Variants in COL14A1 observed in about 807,000 individuals in gnomAD.
COL14A1 encodes collagen type XIV alpha 1 chain, also known as collagen alpha-1(XIV) chain.
COL14A1 carries 136 observed loss-of-function variants against 230.3 expected under a neutral mutation model. The ratio of observed to expected loss-of-function variants is 0.59; its 90% CI spans 0.51 to 0.68. The LOEUF (loss-of-function observed/expected upper bound fraction) is 0.68, where lower values mean the gene tolerates loss of function less well. Ranked by LOEUF, COL14A1 falls within the 30% of genes least tolerant of loss-of-function variation. The pLI is 0.00. For missense variants in COL14A1, 1,976 were observed against 2,215.8 expected, an observed-to-expected ratio of 0.89 and a Z score of 2.17; for synonymous variants, 792 against 784.1, an observed-to-expected ratio of 1.01 and a Z score of -0.17.
At chr8:120,311,180 G>A (rs1239287927) in intron 37 of COL14A1, among the ~76,000 whole-genome samples, 2 of 152,130 alleles carry the variant, frequency 1.3e-5, no homozygotes, top group Non-Finnish European at 1.5e-5. Flanking sequence ...TTTGTTTGGT[G>A]GGACAGACTT....
chr8:120,223,513 T>C (rs1244665640), intron 14 of COL14A1, among the ~76,000 whole-genome samples: 1 of 151,886 alleles, frequency 6.6e-6, no homozygotes, highest in Non-Finnish European at 1.5e-5. Context: ...CTACTAAAAA[T>C]ACAAAAATTA....
rs749764567 is a variant in COL14A1, at chr8:120,263,044, T to C, written c.3016+30T>C. 7 of 1,548,268 alleles carry C rather than the reference T, an allele frequency of 4.5e-6. No individual in the cohort carries two copies. In the South Asian group the frequency reaches 8.9e-5, roughly 20 times the overall value. On this transcript the variant is annotated intron_variant, in intron 24 of 47. Coordinates refer to ENST00000297848, the MANE Select transcript of COL14A1 (RefSeq NM_021110.4). ...GTCATGTGTGTTCTCTCCTGATCCC[T>C]CTCCCCATGAACAAACAGAATTTCA...
chr8:120,369,938 A>G lies in COL14A1; in HGVS notation c.5311+453A>G, dbSNP rs535558072. ...AAGAGGGCTCCTTAGATTATTTTCAATGAAATCATGCATACCACTTGCATT... is the reference window on the plus strand; with the variant it reads ...AAGAGGGCTCCTTAGATTATTTTCAGTGAAATCATGCATACCACTTGCATT... On this transcript the variant is annotated intron_variant, in intron 47 of 47. Transcript: ENST00000297848. 9.2e-5 allele frequency among the ~76,000 whole-genome samples: 14 copies of G among 152,324 alleles called. No individual in the cohort carries two copies. In the East Asian group the frequency reaches 2.3e-3, roughly 25 times the overall value.
chr8:120,159,908 T>C (rs1815605348), intron 3 of COL14A1, among the ~76,000 whole-genome samples: 1 of 152,108 alleles, frequency 6.6e-6, no homozygotes, highest in African/African-American at 2.4e-5. Context: ...GCCAGACTAG[T>C]CTTGAACTCC....
chr8:120,158,593 C>G (rs908535095), intron 3 of COL14A1, among the ~76,000 whole-genome samples: 1 of 152,094 alleles, frequency 6.6e-6, no homozygotes, highest in African/African-American at 2.4e-5. Flanking sequence ...TATTAATTAA[C>G]TCAATAGAAT....
At chr8:120,157,357 C>T (rs763020538) in intron 2 of COL14A1, among the ~76,000 whole-genome samples, 5 of 151,940 alleles carry the variant, frequency 3.3e-5, no homozygotes, top group East Asian at 1.9e-4. Flanking sequence ...ATAATATATC[C>T]GTAATAGCCC....
At chr8:120,250,847 G>A (rs1264652701) in intron 22 of COL14A1, 81 bp downstream of exon 22, 87 of 1,516,994 alleles carry the variant, frequency 5.7e-5, no homozygotes, top group Middle Eastern at 2.1e-4. Flanking sequence ...TCGCTCTGTC[G>A]CTCAGGCTGG....
At chr8:120,189,919 A>G (rs1367047185) in intron 5 of COL14A1, among the ~76,000 whole-genome samples, 2 of 151,728 alleles carry the variant, frequency 1.3e-5, no homozygotes, top group Admixed American at 6.6e-5. Context: ...AGTCTTTGCT[A>G]TCGTGAATAG....
At chr8:120,252,551 A>G (rs551244748) in intron 22 of COL14A1, among the ~76,000 whole-genome samples, 1 of 152,308 alleles carries the variant, frequency 6.6e-6, no homozygotes, top group South Asian at 2.1e-4. Flanking sequence ...ATAAGCCTCA[A>G]ATCTGCTACT....
intron 25 of COL14A1, among the ~76,000 whole-genome samples, chr8:120,268,800 C>A (rs1043642846): frequency 1.3e-5 from 2 of 151,650 alleles, no homozygotes; most frequent in Admixed American, 6.6e-5. Flanking sequence ...ACTAACTATT[C>A]ATTTTGAGTG....
chr8:120,144,197 T>C (rs1413656936), intron 1 of COL14A1, among the ~76,000 whole-genome samples: 1 of 146,120 alleles, frequency 6.8e-6, no homozygotes, highest in East Asian at 2.1e-4. Context: ...TCTCTTGTTG[T>C]TCAAGAATAT....
intron 20 of COL14A1, among the ~76,000 whole-genome samples, chr8:120,247,260 A>G (rs556435385): frequency 1.3e-5 from 2 of 152,266 alleles, no homozygotes; most frequent in South Asian, 4.2e-4. Context: ...TATCTCTACT[A>G]AAAATACAAA....
Position 120,342,364 on chromosome 8 carries a change from T to C in COL14A1, c.4822-16T>C. On this transcript the variant is annotated splice_polypyrimidine_tract_variant and intron_variant, in intron 43 of 47. Transcript: ENST00000297848. ...GCTTGTAGCTGAGTCAGGAGTATGC[T>C]TTTTTTCTCATCCAGGGTGACCTGC... 6.2e-7 allele frequency: 1 copy of C among 1,612,430 alleles called. No individual in the cohort carries two copies. Among genetic ancestry groups the C allele is most frequent in the South Asian group, 1.1e-5 (1 of 91,020 alleles).
intron 37 of COL14A1, 115 bp from the exon 38 acceptor site, chr8:120,313,817 A>G (rs1821120610): frequency 1.6e-6 from 1 of 642,968 alleles, no homozygotes; most frequent in South Asian, 2.4e-5. Flanking sequence ...AGTATTTCCT[A>G]TCTTAAGAAA....
At chr8:120,144,892 C>G (rs1323459219) in intron 1 of COL14A1, among the ~76,000 whole-genome samples, 3 of 151,592 alleles carry the variant, frequency 2.0e-5, no homozygotes, top group Admixed American at 2.0e-4. Context: ...GCCATTTTAC[C>G]CATGACACTG....
chr8:120,207,312 C>T (rs1290483175), intron 10 of COL14A1, among the ~76,000 whole-genome samples: 1 of 152,158 alleles, frequency 6.6e-6, no homozygotes, highest in Non-Finnish European at 1.5e-5. Context: ...CAGAACTGGT[C>T]AGGTATGAAT....
intron 44 of COL14A1, among the ~76,000 whole-genome samples, chr8:120,345,101 A>G (rs766953900): frequency 1.3e-5 from 2 of 152,194 alleles, no homozygotes; most frequent in Non-Finnish European, 2.9e-5. Flanking sequence ...GAAATTTACA[A>G]CTTCTGCTCA....
intron 1 of COL14A1, among the ~76,000 whole-genome samples, chr8:120,128,836 A>G (rs1027698563): frequency 6.6e-6 from 1 of 152,130 alleles, no homozygotes; most frequent in Middle Eastern, 3.4e-3. Context: ...GTTTTGCCTC[A>G]TTTCTCCTAG....
At chr8:120,194,843 C>T (rs1293223270) in intron 5 of COL14A1, among the ~76,000 whole-genome samples, 3 of 152,092 alleles carry the variant, frequency 2.0e-5, no homozygotes, top group Non-Finnish European at 4.4e-5. Flanking sequence ...GAAGCTTAAC[C>T]AGACTTCAAT....
Sources: allele counts gnomAD v4.1 joint callset (sites outside exome capture counted in the v4.1 genomes callset), GRCh38; gene constraint gnomAD v4.1.1; transcripts MANE v1.5; gene names NCBI Gene and HGNC (gene_info 2026-07-23, HGNC 2026-07-21).